The following DLG1 variants were observed in gnomAD, a reference collection of about 807,000 sequenced individuals.
The protein encoded by DLG1 is disks large homolog 1.
A neutral mutation model predicts 123.4 loss-of-function variants in DLG1; 42 were observed. The ratio of observed to expected loss-of-function variants is 0.34; its 90% confidence interval spans 0.27 to 0.44. DLG1 has a LOEUF of 0.44. Among genes scored for constraint, DLG1 ranks in the 20% least tolerant of loss-of-function variants. The pLI is 1.00. For synonymous variants in DLG1, 317 were observed against 356.2 expected, an observed-to-expected ratio of 0.89 and a Z score of 1.24; for missense variants, 942 against 1,082.6, an observed-to-expected ratio of 0.87 and a Z score of 1.82.
chr3:197,296,973 C>A, intron 2 of DLG1: 1 of 593,346 alleles, frequency 1.7e-6, no homozygotes, highest in Non-Finnish European at 2.9e-6. Context: ...CTAACTGCCT[C>A]TCTTAATCAC....
At chr3:197,251,052 G>A (rs1754205304) in intron 4 of DLG1, among the ~76,000 whole-genome samples, 1 of 151,006 alleles carries the variant, frequency 6.6e-6, no homozygotes, top group Admixed American at 6.6e-5. Context: ...CTCATGAAGT[G>A]GAGGAATACT....
chr3:197,085,800 T>C, intron 15 of DLG1, 44 bp from the exon 16 acceptor site: 2 of 1,552,250 alleles, frequency 1.3e-6, no homozygotes, highest in Non-Finnish European at 1.8e-6. Flanking sequence ...TGTTATAATA[T>C]TAATCAACAT....
intron 4 of DLG1, among the ~76,000 whole-genome samples, chr3:197,196,813 A>G (rs1722759952): frequency 6.6e-6 from 1 of 152,182 alleles, no homozygotes; most frequent in African/African-American, 2.4e-5. Context: ...TTATATACAC[A>G]TGACATGTAT....
Position 197,297,214 on chromosome 3 carries a change from G to C in DLG1, c.-10C>G, listed in dbSNP as rs754345432. The stretch of plus-strand genomic sequence containing the variant: ...GCTTCCGGACCGGCATTTTTCTCCA[G>C]AATCAGGAAGAGGGCACACACCTTT... On this transcript the variant is annotated 5_prime_UTR_variant, in exon 2 of 25. Transcript: ENST00000667157. 8 of 1,614,040 alleles carry C rather than the reference G, an allele frequency of 5.0e-6. No individual in the cohort carries two copies. Among genetic ancestry groups the C allele is most frequent in the South Asian group, 3.3e-5 (3 of 91,074 alleles).
chr3:197,082,241 G>A (rs531297351), intron 16 of DLG1, among the ~76,000 whole-genome samples: 1 of 152,076 alleles, frequency 6.6e-6, no homozygotes, highest in South Asian at 2.1e-4. Flanking sequence ...GCAGTGGCGG[G>A]TGCCTGTAAT....
intron 4 of DLG1, among the ~76,000 whole-genome samples, chr3:197,200,656 G>A (rs1725162095): frequency 6.6e-6 from 1 of 152,132 alleles, no homozygotes; most frequent in African/African-American, 2.4e-5. Context: ...TCCTGAGGAG[G>A]CAAGGATAGT....
At chr3:197,071,915 C>A (rs551136210) in intron 18 of DLG1, among the ~76,000 whole-genome samples, 2 of 152,168 alleles carry the variant, frequency 1.3e-5, no homozygotes, top group Admixed American at 6.5e-5. Flanking sequence ...TACGACCCAG[C>A]AATTCCTTTC....
chr3:197,145,826 G>A (rs1790455290), intron 6 of DLG1, among the ~76,000 whole-genome samples: 1 of 151,208 alleles, frequency 6.6e-6, no homozygotes. Flanking sequence ...GCCAGGTGTG[G>A]TGGTGCACGT....
intron 10 of DLG1, 148 bp downstream of exon 10, chr3:197,136,394 T>G: frequency 1.7e-6 from 1 of 586,968 alleles, no homozygotes. Flanking sequence ...TTACCAAGAA[T>G]CATTTTTTAG....
At chr3:197,152,415 A>G (rs1199204832) in intron 5 of DLG1, among the ~76,000 whole-genome samples, 1 of 143,058 alleles carries the variant, frequency 7.0e-6, no homozygotes, top group Non-Finnish European at 1.5e-5. Context: ...AAGGATCCCA[A>G]AGTCTTTTTT....
intron 16 of DLG1, among the ~76,000 whole-genome samples, chr3:197,083,851 C>T (rs904627908): frequency 2.0e-5 from 3 of 151,440 alleles, no homozygotes; most frequent in Admixed American, 6.6e-5. Flanking sequence ...CAGTGACACG[C>T]GCCTGGAGTC....
At chr3:197,177,143 TG>T (rs1347057270) in intron 5 of DLG1, among the ~76,000 whole-genome samples, 2 of 152,072 alleles carry the variant, frequency 1.3e-5, no homozygotes, top group Non-Finnish European at 2.9e-5. Context: ...GGGGAACAAT[TG>T]ATTTCCAAGT....
intron 3 of DLG1, among the ~76,000 whole-genome samples, chr3:197,288,718 T>TTAAAAAAAAAAAAAAAAAAA (rs1560171604): frequency 3.3e-5 from 1 of 30,420 alleles, no homozygotes. Context: ...TGAAACTGTC[T>TTAAAAAAAAAAAAAAAAAAA]CAAAAAAAAA....
chr3:197,148,796 C>T (rs988195826), intron 6 of DLG1, among the ~76,000 whole-genome samples: 1 of 152,004 alleles, frequency 6.6e-6, no homozygotes, highest in African/African-American at 2.4e-5. Context: ...CAAAAAGTTA[C>T]AAAAGAAAAA....
At chr3:197,096,427 G>A (rs1444307681) in intron 14 of DLG1, among the ~76,000 whole-genome samples, 5 of 152,086 alleles carry the variant, frequency 3.3e-5, no homozygotes, top group Admixed American at 2.6e-4. Context: ...TCTGACTCCT[G>A]AAACCAAGGC....
chr3:197,270,317 T>A (rs1763395844), intron 4 of DLG1, among the ~76,000 whole-genome samples: 1 of 152,044 alleles, frequency 6.6e-6, no homozygotes, highest in Admixed American at 6.6e-5. Context: ...ATGTAAACAT[T>A]TAGTAAATAA....
chr3:197,178,000 G>C (rs967378431), intron 5 of DLG1, among the ~76,000 whole-genome samples: 2 of 152,002 alleles, frequency 1.3e-5, no homozygotes, highest in Non-Finnish European at 2.9e-5. Flanking sequence ...ATATTTTCTG[G>C]TTATCTACAG....
intron 4 of DLG1, among the ~76,000 whole-genome samples, chr3:197,261,749 A>G (rs1409650155): frequency 6.6e-6 from 1 of 152,152 alleles, no homozygotes; most frequent in African/African-American, 2.4e-5. Flanking sequence ...AGCATTATCA[A>G]TGTTGTTATT....
chr3:197,242,750 C>T (rs1318376876), intron 4 of DLG1, among the ~76,000 whole-genome samples: 1 of 152,024 alleles, frequency 6.6e-6, no homozygotes, highest in African/African-American at 2.4e-5. Flanking sequence ...CATACCAAAG[C>T]TATGGAATAC....
Sources: allele counts gnomAD v4.1 joint callset (sites outside exome capture counted in the v4.1 genomes callset), GRCh38; gene constraint gnomAD v4.1.1; transcripts MANE v1.5; gene names NCBI Gene and HGNC (gene_info 2026-07-23, HGNC 2026-07-21).